IQSEC1: variants seen among roughly 807,000 people sequenced by gnomAD.
IQSEC1 encodes the protein IQ motif and SEC7 domain-containing protein 1.
IQSEC1 carries 31 observed loss-of-function variants against 91.0 expected under a neutral mutation model. The ratio of observed to expected loss-of-function variants is 0.34; its 90% CI spans 0.26 to 0.46. The LOEUF is 0.46. IQSEC1 is among the 20% of genes least tolerant of loss of function. The pLI, the probability that IQSEC1 is intolerant of heterozygous loss-of-function variation, is 1.00. For missense variants in IQSEC1, 1,388 were observed against 1,575.6 expected, an observed-to-expected ratio of 0.88 and a Z score of 2.02; for synonymous variants, 699 against 662.6, an observed-to-expected ratio of 1.05 and a Z score of -0.84.
At chr3:12,969,123 T>A (rs1700773220) in intron 1 of IQSEC1, among the ~76,000 whole-genome samples, 1 of 152,080 alleles carries the variant, frequency 6.6e-6, no homozygotes, top group South Asian at 2.1e-4. Context: ...TTTTCTTTGC[T>A]CTGTTAAAAA....
chr3:12,918,139 G>C (rs1696286926), intron 6 of IQSEC1, among the ~76,000 whole-genome samples: 1 of 152,198 alleles, frequency 6.6e-6, no homozygotes, highest in South Asian at 2.1e-4. Context: ...CCTTCTCTGA[G>C]CCCTGATCAC....
chr3:13,233,391 G>A (rs78501360), intron 1 of IQSEC1, among the ~76,000 whole-genome samples: 2,139 of 152,272 alleles, frequency 0.014, 45 homozygotes, highest in African/African-American at 0.049. Context: ...GCTCACTGGC[G>A]GCTGCAGACC....
At chr3:13,174,833 T>TCCCCCCCCCCCCCCCCCCCC (rs754194155) in intron 1 of IQSEC1, among the ~76,000 whole-genome samples, 1 of 112,710 alleles carries the variant, frequency 8.9e-6, no homozygotes, top group African/African-American at 3.5e-5. Context: ...GTCTTTCTGC[T>TCCCCCCCCCCCCCCCCCCCC]CCCCCCCCCC....
chr3:12,932,138 G>A (rs937973875), intron 3 of IQSEC1, among the ~76,000 whole-genome samples: 2 of 152,192 alleles, frequency 1.3e-5, no homozygotes, highest in African/African-American at 4.8e-5. Context: ...TACCCCTGAC[G>A]GTGTGTACCA....
At chr3:13,154,283 A>G (rs165268) in intron 2 of IQSEC1, among the ~76,000 whole-genome samples, 131,147 of 148,906 alleles carry the variant, frequency 0.88, 57,864 homozygotes, top group East Asian at 0.96. Flanking sequence ...TGTGCACCCC[A>G]AGCTGCCAGA....
At chr3:13,140,888 A>G (rs1185832153) in intron 2 of IQSEC1, among the ~76,000 whole-genome samples, 1 of 152,194 alleles carries the variant, frequency 6.6e-6, no homozygotes, top group Non-Finnish European at 1.5e-5. Context: ...TAGGAAAGGA[A>G]GAGTGTCCTG....
chr3:13,030,839 T>C (rs1576190868), intron 1 of IQSEC1, among the ~76,000 whole-genome samples: 1 of 152,238 alleles, frequency 6.6e-6, no homozygotes, highest in Non-Finnish European at 1.5e-5. Context: ...CGCAAAGCTG[T>C]GCCACGCAGG....
In IQSEC1 at chr3:13,211,874, C is replaced by T. The variant is rs963171031; in HGVS notation, c.273-47741G>A. On this transcript the variant is annotated intron_variant, in intron 1 of 15. Transcript: ENST00000648114. The surrounding 1 kb of genome is among the most constrained non-coding windows in gnomAD (Gnocchi z 5.3). ...CACCCTCGCAGGCACAGTCCCTCCA[C>T]GCTGGTTTCGTGTCCACAGAACCTT... is the stretch of plus-strand genomic sequence containing the variant. 5.3e-5 allele frequency among the ~76,000 whole-genome samples: 8 copies of T among 152,244 alleles called. No individual in the cohort carries two copies. Among genetic ancestry groups the T allele is most frequent in the African/African-American group, 1.2e-4 (5 of 41,472 alleles).
rs1193243071 is a variant in IQSEC1, at chr3:13,207,784, C to A, written c.273-43651G>T. Among the ~76,000 whole-genome samples the A allele has an allele frequency of 1.3e-5, 2 of 152,146 alleles. No homozygotes were observed. Among genetic ancestry groups the A allele is most frequent in the East Asian group, 3.9e-4 (2 of 5,186 alleles). The stretch of plus-strand genomic sequence containing the variant: ...TCACCATCGCATCTAAACCAACCAT[C>A]CCTGCCACCCGGCCACGTGGTCCGG... On this transcript the variant is annotated intron_variant, in intron 1 of 15. Transcript: ENST00000648114. This position sits in a 1 kb window ranked among gnomAD's most constrained non-coding sequence, Gnocchi z 4.8.
intron 1 of IQSEC1, among the ~76,000 whole-genome samples, chr3:13,219,562 C>T (rs1694618198): frequency 6.6e-6 from 1 of 152,266 alleles, no homozygotes; most frequent in Non-Finnish European, 1.5e-5. Flanking sequence ...GCCACTTCAC[C>T]AACACCCACC....
chr3:12,911,358 T>C (rs1234618524), intron 10 of IQSEC1, among the ~76,000 whole-genome samples: 1 of 152,232 alleles, frequency 6.6e-6, no homozygotes, highest in Non-Finnish European at 1.5e-5. Context: ...CTGCCATAAA[T>C]TTAAAAATCT....
chr3:13,052,906 C>T (rs530980976), intron 1 of IQSEC1: 39 of 807,786 alleles, frequency 4.8e-5, no homozygotes, highest in Middle Eastern at 3.6e-4. Context: ...CTGCTTGATA[C>T]GGCAACATGA....
At chr3:13,115,738 C>T (rs757917440) in intron 2 of IQSEC1, among the ~76,000 whole-genome samples, 4 of 152,334 alleles carry the variant, frequency 2.6e-5, no homozygotes, top group African/African-American at 7.2e-5. Flanking sequence ...CCTCTCCGGG[C>T]GCTGAATGCA....
intron 8 of IQSEC1, 28 bp from the exon 9 acceptor site, chr3:12,913,581 G>A (rs750113746): frequency 1.1e-5 from 17 of 1,589,924 alleles, no homozygotes; most frequent in African/African-American, 4.0e-5. Context: ...GTCCTGCCAC[G>A]GCCGCCCAGC....
chr3:13,073,550 C>T (rs1322686176), upstream of IQSEC1, among the ~76,000 whole-genome samples: 1 of 151,596 alleles, frequency 6.6e-6, no homozygotes, highest in Non-Finnish European at 1.5e-5. Flanking sequence ...GCATCAGGCG[C>T]GGCCGCTCGG....
chr3:12,900,167 G>A lies in IQSEC1; in HGVS notation c.*816C>T. 3 of 971,082 alleles carry A rather than the reference G, an allele frequency of 3.1e-6. No individual in the cohort carries two copies. The highest frequency in any genetic ancestry group is 1.1e-4 in the East Asian group (1 of 8,768). The allele number at this position is 971,082 out of a possible 1,614,324, so 60.2% of individuals were successfully genotyped here. A position where few individuals can be genotyped will look rare whatever the true frequency, so the allele number is the denominator to read the frequency against. On this transcript the variant is annotated 3_prime_UTR_variant, in exon 14 of 14. Transcript: ENST00000613206. ...TGATAGTATTCTGTTAATAAAATAA[G>A]GATTTATACAAAGCAATACTGGACT...
At chr3:13,005,118 C>T (rs1702579204) in intron 1 of IQSEC1, among the ~76,000 whole-genome samples, 1 of 152,214 alleles carries the variant, frequency 6.6e-6, no homozygotes. Context: ...TCCTGTCATC[C>T]TGTAGTTTTT....
intron 1 of IQSEC1, among the ~76,000 whole-genome samples, chr3:12,960,979 G>A (rs990753997): frequency 1.3e-4 from 20 of 152,308 alleles, no homozygotes; most frequent in Admixed American, 6.5e-4. Context: ...TCCAGGAAAG[G>A]GCAGAAACAG....
At chr3:13,183,780 T>A (rs358596) in intron 1 of IQSEC1, among the ~76,000 whole-genome samples, 115,766 of 152,058 alleles carry the variant, frequency 0.76, 44,186 homozygotes, top group Non-Finnish European at 0.76. Context: ...CCTTGCTTGG[T>A]TTTACCTGCA....
Sources: gnomAD v4.1 joint callset for allele counts (sites outside exome capture counted in the v4.1 genomes callset) on GRCh38, gnomAD v4.1.1 for gene constraint, Gnocchi (gnomAD v3.1) non-coding constraint, MANE v1.5 for transcripts, NCBI Gene and HGNC (gene_info 2026-07-23, HGNC 2026-07-21) for gene names.